Variants in MARCHF1 observed in about 807,000 individuals in gnomAD.
MARCHF1 encodes E3 ubiquitin-protein ligase MARCHF1.
In MARCHF1, 40 loss-of-function variants were observed where a neutral mutation model predicts 54.2. That is an observed-to-expected ratio of 0.74 (90% CI 0.57 to 0.96). MARCHF1 has a LOEUF of 0.96. Ranked by LOEUF, MARCHF1 falls within the 40% of genes least tolerant of loss-of-function variation. The pLI, the probability that MARCHF1 is intolerant of heterozygous loss-of-function variation, is 0.00. For synonymous variants in MARCHF1, 236 were observed against 236.3 expected (o/e 1.00, Z 0.01); for missense variants, 586 against 656.5 (o/e 0.89, Z 1.17).
chr4:163,669,361 A>G (rs1743648976), intron 5 of MARCHF1, among the ~76,000 whole-genome samples: 1 of 152,200 alleles, frequency 6.6e-6, no homozygotes, highest in Non-Finnish European at 1.5e-5. Flanking sequence ...TGTTAATTCT[A>G]TTCTAGGTAT....
At chr4:163,843,629 C>T (rs193242876) in intron 4 of MARCHF1, among the ~76,000 whole-genome samples, 2 of 152,058 alleles carry the variant, frequency 1.3e-5, no homozygotes, top group Admixed American at 1.3e-4. Flanking sequence ...CTACATCTAT[C>T]AACCCATCAC....
At chr4:164,086,841 G>T (rs758983506) in intron 2 of MARCHF1, among the ~76,000 whole-genome samples, 1 of 152,000 alleles carries the variant, frequency 6.6e-6, no homozygotes, top group Non-Finnish European at 1.5e-5. Flanking sequence ...ATGGTGTCTT[G>T]AGAGGAAGAA....
At chr4:163,638,421 C>T (rs1742429508) in intron 5 of MARCHF1, among the ~76,000 whole-genome samples, 1 of 151,976 alleles carries the variant, frequency 6.6e-6, no homozygotes, top group African/African-American at 2.4e-5. Flanking sequence ...TACCCTCCCT[C>T]TCTCTCTTGC....
rs3839198 is a variant in MARCHF1, at chr4:163,529,103, A to ATTT, written c.1340-60_1340-58dup. ...CAAGTTGTCCTCAGTGGATTTGGTCATTTTTTTTTTCTATGACCCTTCAAA... is the reference window on the plus strand; with the variant it reads ...CAAGTTGTCCTCAGTGGATTTGGTCATTTTTTTTTTTTTCTATGACCCTTCAAA... On this transcript the variant is annotated intron_variant, in intron 9 of 9. Transcript: ENST00000514618. The ATTT allele has an allele frequency of 2.5e-4, 306 of 1,218,906 alleles. No homozygotes were observed. The African/African-American group carries it at 3.6e-3, about 15-fold the overall frequency. 75.5% of individuals were successfully genotyped at this position (1,218,906 alleles called of 1,614,324 possible).
chr4:164,074,054 A>G (rs966442647), intron 2 of MARCHF1, among the ~76,000 whole-genome samples: 22 of 152,144 alleles, frequency 1.4e-4, no homozygotes, highest in African/African-American at 4.8e-4. Context: ...TAAGCAGTAT[A>G]TTCCCTGAGA....
intron 1 of MARCHF1, among the ~76,000 whole-genome samples, chr4:164,338,056 CATA>C (rs768470273): frequency 7.9e-5 from 12 of 152,088 alleles, no homozygotes; most frequent in Admixed American, 2.6e-4. Context: ...TAACTGTAGG[CATA>C]ATAATTTGTT....
intron 2 of MARCHF1, among the ~76,000 whole-genome samples, chr4:164,076,166 CAACAA>C (rs1754975170): frequency 6.6e-6 from 1 of 150,554 alleles, no homozygotes; most frequent in Non-Finnish European, 1.5e-5. Flanking sequence ...ACAACAACAA[CAACAA>C]CAAGTAGCCC....
Position 163,885,803 on chromosome 4 carries a change from G to T in MARCHF1, c.-38-31634C>A, listed in dbSNP as rs550129342. ...TATATTGGGGGGGTGCAGGTGCACT[G>T]GCTCACATTTGTAATCCCAGCACTT... On this transcript the variant is annotated intron_variant, in intron 3 of 9. Coordinates refer to ENST00000514618, the MANE Select transcript of MARCHF1 (RefSeq NM_001394959.1). Among the ~76,000 whole-genome samples the T allele has an allele frequency of 5.3e-5, 8 of 151,778 alleles. 1 individual carries two copies. The highest frequency in any genetic ancestry group is 1.9e-4 in the African/African-American group (8 of 41,432).
chr4:163,918,418 C>T (rs184982300), intron 3 of MARCHF1, among the ~76,000 whole-genome samples: 40 of 152,112 alleles, frequency 2.6e-4, no homozygotes, highest in African/African-American at 8.9e-4. Flanking sequence ...AGAGCACACA[C>T]AGTTAGGGAG....
chr4:163,786,512 T>C (rs1322665502), intron 4 of MARCHF1, among the ~76,000 whole-genome samples: 2 of 151,926 alleles, frequency 1.3e-5, no homozygotes, highest in African/African-American at 2.4e-5. Flanking sequence ...TCTAAAACAT[T>C]GGCAGTAATA....
intron 4 of MARCHF1, among the ~76,000 whole-genome samples, chr4:163,752,311 C>T (rs187595887): frequency 6.6e-5 from 10 of 152,198 alleles, no homozygotes; most frequent in Admixed American, 6.5e-4. Flanking sequence ...AATTGTGAAA[C>T]CTGTGGAGAA....
intron 3 of MARCHF1, among the ~76,000 whole-genome samples, chr4:163,939,022 T>C (rs1751856796): frequency 2.6e-5 from 4 of 152,098 alleles, no homozygotes; most frequent in Non-Finnish European, 5.9e-5. Context: ...AAGAAAAAAA[T>C]GCAGATGACC....
At chr4:163,546,406 T>C (rs545933403) in intron 8 of MARCHF1, among the ~76,000 whole-genome samples, 1 of 152,382 alleles carries the variant, frequency 6.6e-6, no homozygotes, top group African/African-American at 2.4e-5. Context: ...AGCTTTAATA[T>C]TGAACAATTA....
chr4:163,555,371 G>A (rs948437788), intron 8 of MARCHF1, among the ~76,000 whole-genome samples: 1 of 152,098 alleles, frequency 6.6e-6, no homozygotes, highest in Non-Finnish European at 1.5e-5. Flanking sequence ...AATATCTGAC[G>A]GTTTTTCACA....
intron 2 of MARCHF1, among the ~76,000 whole-genome samples, chr4:164,054,695 G>A (rs370255274): frequency 2.8e-5 from 4 of 145,000 alleles, no homozygotes; most frequent in African/African-American, 7.7e-5. Context: ...ACCAAACACC[G>A]CATATTCTCA....
chr4:163,829,151 A>G (rs1175016048), intron 4 of MARCHF1: 1 of 152,172 alleles, frequency 6.6e-6, no homozygotes, highest in East Asian at 1.9e-4. Flanking sequence ...AAATAAATAT[A>G]TATCTTTAAT....
intron 2 of MARCHF1, among the ~76,000 whole-genome samples, chr4:164,079,736 T>G (rs1755055888): frequency 6.6e-6 from 1 of 152,174 alleles, no homozygotes; most frequent in African/African-American, 2.4e-5. Context: ...TCTATTTATC[T>G]ACTTTTTAGT....
intron 3 of MARCHF1, among the ~76,000 whole-genome samples, chr4:163,856,414 A>G (rs1390771193): frequency 6.6e-6 from 1 of 152,218 alleles, no homozygotes; most frequent in Non-Finnish European, 1.5e-5. Context: ...ATACATTGCT[A>G]GGGACTGCAA....
In MARCHF1 at chr4:164,067,786, C is replaced by T. The variant is rs561722944; in HGVS notation, c.-248+43802G>A. On this transcript the variant is annotated intron_variant, in intron 2 of 9. Transcript: ENST00000514618. ...GGCAATGAAACTATCAATAGACAGTCTTCAAAATGGGAGAAAATATTCTTA... is the reference window on the plus strand; with the variant it reads ...GGCAATGAAACTATCAATAGACAGTTTTCAAAATGGGAGAAAATATTCTTA... Among the ~76,000 whole-genome samples, 6 of 152,168 alleles carry T rather than the reference C, an allele frequency of 3.9e-5. No individual in the cohort carries two copies. In the East Asian group the frequency reaches 1.2e-3, roughly 29 times the overall value.
Sources: allele counts gnomAD v4.1 joint callset (sites outside exome capture counted in the v4.1 genomes callset), GRCh38; gene constraint gnomAD v4.1.1; transcripts MANE v1.5; gene names NCBI Gene and HGNC (gene_info 2026-07-23, HGNC 2026-07-21).